Variants in TBC1D9B observed in about 807,000 individuals in gnomAD.
The protein encoded by TBC1D9B is TBC1 domain family member 9B.
A neutral mutation model predicts 121.1 loss-of-function variants in TBC1D9B; 87 were observed. The observed-to-expected ratio is 0.72, with a 90% confidence interval of 0.60 to 0.86. TBC1D9B has a LOEUF of 0.86. TBC1D9B is among the 40% of genes least tolerant of loss of function. The pLI is 0.00. For missense variants in TBC1D9B, 1,540 were observed against 1,628.6 expected, an observed-to-expected ratio of 0.95 and a Z score of 0.94; for synonymous variants, 668 against 670.1, an observed-to-expected ratio of 1.00 and a Z score of 0.05.
At chr5:179,878,638 A>G in intron 9 of TBC1D9B, 115 bp from the exon 10 acceptor site, 9 of 1,026,542 alleles carry the variant, frequency 8.8e-6, no homozygotes, top group Non-Finnish European at 1.3e-5. Flanking sequence ...ACTTGGGGTC[A>G]AGCACAAGCT....
intron 7 of TBC1D9B, among the ~76,000 whole-genome samples, chr5:179,887,469 C>T (rs1041773431): frequency 6.6e-6 from 1 of 152,222 alleles, no homozygotes; most frequent in African/African-American, 2.4e-5. Flanking sequence ...ATGAGAGACT[C>T]TATGGCACAA....
chr5:179,871,596 CTG>C (rs1760200300), intron 14 of TBC1D9B, 66 bp from the exon 15 acceptor site: 3 of 1,549,608 alleles, frequency 1.9e-6, no homozygotes, highest in Non-Finnish European at 1.8e-6. Context: ...GTACGGCACT[CTG>C]TGAGAGCATC....
In TBC1D9B at chr5:179,881,379, G is replaced by A. The variant is rs934048410; in HGVS notation, c.1255-1590C>T. ...ACAGGGAACAATCCGAGCCCTCCAC[G>A]GGTGCCCTCCTGCCCGCCCACCTGC... On this transcript the variant is annotated intron_variant, in intron 7 of 20. Coordinates refer to ENST00000355235, the MANE Select transcript of TBC1D9B (RefSeq NM_015043.4). Among the ~76,000 whole-genome samples the A allele has an allele frequency of 6.6e-5, 10 of 152,154 alleles. No individual in the cohort carries two copies. In the South Asian group the frequency reaches 1.3e-3, roughly 19 times the overall value.
At position 179,907,690 on chromosome 5, in the gene TBC1D9B, C is replaced by G; in HGVS notation, c.118+14G>C. 1 of 1,088,930 alleles carries G rather than the reference C, an allele frequency of 9.2e-7. No individual in the cohort carries two copies. Among genetic ancestry groups the G allele is most frequent in the Non-Finnish European group, 1.1e-6 (1 of 882,790 alleles). The allele number at this position is 1,088,930 out of a possible 1,614,324, so 67.5% of individuals were successfully genotyped here. ...CGCGGCGCCCACAGGCCCGGCCGCC[C>G]GCGCGCCTCTCACCCGTAAGGCCGC... On this transcript the variant is annotated intron_variant, in intron 1 of 20. Coordinates refer to ENST00000355235, the MANE Select transcript of TBC1D9B (RefSeq NM_015043.4). This position sits in a 1 kb window ranked among gnomAD's most constrained non-coding sequence, Gnocchi z 5.3.
At chr5:179,876,249 C>T (rs926768852) in intron 10 of TBC1D9B, among the ~76,000 whole-genome samples, 3 of 152,162 alleles carry the variant, frequency 2.0e-5, no homozygotes, top group East Asian at 1.9e-4. Flanking sequence ...GCTGGGCATC[C>T]GGTAATGAGA....
chr5:179,884,544 G>A (rs1416178608), intron 7 of TBC1D9B: 1 of 152,164 alleles, frequency 6.6e-6, no homozygotes, highest in Non-Finnish European at 1.5e-5. Flanking sequence ...AGAACTGAAA[G>A]TAAAGATTCA....
chr5:179,887,954 T>C (rs80018082), intron 7 of TBC1D9B, 149 bp downstream of exon 7: 18,146 of 942,428 alleles, frequency 0.019, 259 homozygotes, highest in Non-Finnish European at 0.025. Context: ...GGGTCTGGGC[T>C]AGGGGTCTCT....
chr5:179,872,227 G>A (rs1760224709), intron 14 of TBC1D9B: 1 of 157,246 alleles, frequency 6.4e-6, no homozygotes, highest in African/African-American at 2.4e-5. Context: ...CGCAGAGTGA[G>A]GGATACTCAT....
rs189785767 is a variant in TBC1D9B at position 179,876,120 on chromosome 5, C to A, written c.1783-83G>T. ...GTCTCTCCCCACCCCTCCCAGCCAC[C>A]CCTCCCTGCAAGGGCCCACATGATC... On this transcript the variant is annotated intron_variant, in intron 10 of 20. Coordinates refer to ENST00000355235, the MANE Select transcript of TBC1D9B (RefSeq NM_015043.4). The A allele has an allele frequency of 2.2e-5, 24 of 1,094,522 alleles. No homozygotes were observed. In the African/African-American group the frequency reaches 3.5e-4, roughly 16 times the overall value. The allele number at this position is 1,094,522 out of a possible 1,614,324, so 67.8% of individuals were successfully genotyped here.
intron 7 of TBC1D9B, 187 bp from the exon 8 acceptor site, chr5:179,879,976 TCTGGCTG>T (rs1441462768): frequency 1.3e-4 from 88 of 673,018 alleles, no homozygotes; most frequent in Non-Finnish European, 1.9e-4. Flanking sequence ...TCAGCTCCTC[TCTGGCTG>T]CTGGACACCG....
At chr5:179,873,379 C>A in intron 12 of TBC1D9B, 131 bp from the exon 13 acceptor site, 1 of 1,355,046 alleles carries the variant, frequency 7.4e-7, no homozygotes, top group South Asian at 1.6e-5. Context: ...GGACTGGGCA[C>A]CCTGCAGGAG....
intron 15 of TBC1D9B, chr5:179,870,748 GC>G: frequency 1.9e-6 from 1 of 530,306 alleles, no homozygotes; most frequent in Non-Finnish European, 3.3e-6. Context: ...TGGTCTGCTG[GC>G]CCCAGAGAAG....
chr5:179,878,335 G>A lies in TBC1D9B; in HGVS notation c.1756C>T (p.Arg586Ter), dbSNP rs776480425. The A allele has an allele frequency of 7.4e-6, 12 of 1,613,516 alleles. No homozygotes were observed. Among genetic ancestry groups the A allele is most frequent in the African/African-American group, 2.7e-5 (2 of 75,012 alleles). ...LRRVLTAYAF[R>*]NPTIGYCQAM... ...TGGCAGTAGCCGATGGTGGGGTTTC[G>A]GAAGGCATAGGCAGTCAGCACCCGC... The change falls in exon 10 of 21, where the codon CGA becomes TGA. Residue 586 changes from arginine to a stop codon, truncating the protein, a stop_gained. Coordinates refer to ENST00000355235, the MANE Select transcript of TBC1D9B (RefSeq NM_015043.4). LOFTEE classifies it high-confidence loss of function.
rs1760295266 is a variant in TBC1D9B, at chr5:179,874,311, T to C, written c.2186+591A>G. ...AGAGGGGAACCCCAGGGAAAGGGCATGGTGGGCCTGGGCTGAGGCAGCAGG... is the reference window on the plus strand; with the variant it reads ...AGAGGGGAACCCCAGGGAAAGGGCACGGTGGGCCTGGGCTGAGGCAGCAGG... On this transcript the variant is annotated intron_variant, in intron 12 of 20. Coordinates refer to ENST00000355235, the MANE Select transcript of TBC1D9B (RefSeq NM_015043.4). This position sits in a 1 kb window ranked among gnomAD's most constrained non-coding sequence, Gnocchi z 4.3. 6.7e-6 allele frequency among the ~76,000 whole-genome samples: 1 copy of C among 149,430 alleles called. No individual in the cohort carries two copies. The highest frequency in any genetic ancestry group is 1.5e-5 in the Non-Finnish European group (1 of 67,436).
chr5:179,888,442 T>C, intron 6 of TBC1D9B, 130 bp from the exon 7 acceptor site: 1 of 958,032 alleles, frequency 1.0e-6, no homozygotes, highest in East Asian at 2.6e-5. Flanking sequence ...CCAACTGTCC[T>C]CACATTCTGA....
intron 7 of TBC1D9B, among the ~76,000 whole-genome samples, chr5:179,887,321 C>G (rs1760718329): frequency 6.6e-6 from 1 of 152,262 alleles, no homozygotes; most frequent in Non-Finnish European, 1.5e-5. Context: ...AGCCTGCCCA[C>G]AGGCGGACCT....
intron 14 of TBC1D9B, chr5:179,872,222 A>G (rs1267873225): frequency 6.4e-6 from 1 of 157,094 alleles, no homozygotes; most frequent in African/African-American, 2.4e-5. Context: ...GAGGTCGCAG[A>G]GTGAGGGATA....
chr5:179,897,842 A>T (rs1305811729), intron 3 of TBC1D9B, among the ~76,000 whole-genome samples: 2 of 152,092 alleles, frequency 1.3e-5, no homozygotes, highest in Non-Finnish European at 2.9e-5. Context: ...CTCACCTTGA[A>T]CCCCAAAGTG....
intron 6 of TBC1D9B, among the ~76,000 whole-genome samples, chr5:179,888,846 G>A (rs1405798010): frequency 6.6e-6 from 1 of 152,090 alleles, no homozygotes; most frequent in Non-Finnish European, 1.5e-5. Context: ...TGGGAAGAGG[G>A]AAGGCTGGGT....
Sources: allele counts gnomAD v4.1 joint callset (sites outside exome capture counted in the v4.1 genomes callset), GRCh38; gene constraint gnomAD v4.1.1; non-coding constraint Gnocchi (gnomAD v3.1); transcripts MANE v1.5; gene names NCBI Gene and HGNC (gene_info 2026-07-23, HGNC 2026-07-21).